Variants in ULK4 observed in about 807,000 individuals in gnomAD.
ULK4 encodes unc-51 like kinase 4, also known as inactive serine/threonine-protein kinase ULK4.
In ULK4, 133 loss-of-function variants were observed where a neutral mutation model predicts 160.6. The ratio of observed to expected loss-of-function variants is 0.83; its 90% CI spans 0.72 to 0.96. The LOEUF is 0.96. Ranked by LOEUF, ULK4 falls within the 40% of genes least tolerant of loss-of-function variation. ULK4 has a pLI of 0.00. For missense variants in ULK4, 1,580 were observed against 1,499.5 expected, an observed-to-expected ratio of 1.05 and a Z score of -0.89; for synonymous variants, 534 against 539.8, an observed-to-expected ratio of 0.99 and a Z score of 0.15.
chr3:41,891,830 G>A (rs113186991), intron 16 of ULK4, among the ~76,000 whole-genome samples: 370 of 152,218 alleles, frequency 2.4e-3, no homozygotes, highest in Non-Finnish European at 4.5e-3. Flanking sequence ...ACTTGAACCC[G>A]GGAGGCAGAG....
chr3:41,289,154 GGTTT>G (rs1380282559), intron 35 of ULK4, among the ~76,000 whole-genome samples: 1 of 152,118 alleles, frequency 6.6e-6, no homozygotes. Flanking sequence ...TATTTGAATT[GGTTT>G]GTTTTGTTTG....
intron 22 of ULK4, among the ~76,000 whole-genome samples, chr3:41,751,125 C>A (rs1646969008): frequency 6.6e-6 from 1 of 151,140 alleles, no homozygotes; most frequent in Non-Finnish European, 1.5e-5. Context: ...CAAATCTCTG[C>A]CTATTGACTT....
At chr3:41,569,032 A>T (rs1307817176) in intron 31 of ULK4, among the ~76,000 whole-genome samples, 2 of 152,222 alleles carry the variant, frequency 1.3e-5, no homozygotes, top group Non-Finnish European at 2.9e-5. Context: ...ATTACAAAAG[A>T]CATGGATGGA....
chr3:41,950,530 A>G (rs1234026012), intron 2 of ULK4, among the ~76,000 whole-genome samples: 1 of 151,942 alleles, frequency 6.6e-6, no homozygotes, highest in Non-Finnish European at 1.5e-5. Context: ...GACATGAGCC[A>G]CCGCGCCTGG....
chr3:41,683,940 A>G (rs1292005937), intron 27 of ULK4, among the ~76,000 whole-genome samples: 1 of 152,174 alleles, frequency 6.6e-6, no homozygotes, highest in East Asian at 1.9e-4. Flanking sequence ...ATCTTTGTGA[A>G]GAGAGGACTG....
At chr3:41,838,757 G>T (rs779775825) in intron 17 of ULK4, among the ~76,000 whole-genome samples, 1 of 152,098 alleles carries the variant, frequency 6.6e-6, no homozygotes, top group African/African-American at 2.4e-5. Flanking sequence ...AAAACTGATC[G>T]AACTTGGACG....
intron 35 of ULK4, among the ~76,000 whole-genome samples, chr3:41,388,508 G>A (rs972563576): frequency 1.7e-4 from 26 of 152,036 alleles, no homozygotes; most frequent in Non-Finnish European, 3.2e-4. Flanking sequence ...ATGGTTTTAG[G>A]TCTAACGTGT....
chr3:41,646,352 A>AGT (rs1291237500), intron 30 of ULK4, among the ~76,000 whole-genome samples: 6 of 152,152 alleles, frequency 3.9e-5, no homozygotes, highest in African/African-American at 1.4e-4. Context: ...TTCCATGTTT[A>AGT]GTGCTTCCTT....
chr3:41,808,309 G>A (rs1298064664), intron 19 of ULK4, among the ~76,000 whole-genome samples: 1 of 152,124 alleles, frequency 6.6e-6, no homozygotes, highest in Non-Finnish European at 1.5e-5. Context: ...CAACACAATT[G>A]TCAGTCAGTT....
chr3:41,328,480 G>A (rs1005202333), intron 35 of ULK4, among the ~76,000 whole-genome samples: 1 of 152,236 alleles, frequency 6.6e-6, no homozygotes, highest in Admixed American at 6.5e-5. Flanking sequence ...CAGTTCAGAG[G>A]AGAAATGAGA....
chr3:41,755,967 G>A (rs544841012), intron 21 of ULK4, among the ~76,000 whole-genome samples: 6 of 152,088 alleles, frequency 3.9e-5, no homozygotes, highest in South Asian at 2.1e-4. Flanking sequence ...ACAGATACAC[G>A]CACACACACA....
At chr3:41,718,809 A>T (rs1236724579) in intron 22 of ULK4, among the ~76,000 whole-genome samples, 2 of 152,304 alleles carry the variant, frequency 1.3e-5, no homozygotes, top group Admixed American at 1.3e-4. Flanking sequence ...TGAAATCTTG[A>T]TACTTAGCAT....
intron 27 of ULK4, among the ~76,000 whole-genome samples, chr3:41,695,748 T>C (rs928918671): frequency 6.6e-6 from 1 of 152,060 alleles, no homozygotes. Flanking sequence ...ATAAAATATA[T>C]AAAACAACAA....
At chr3:41,822,577 C>G (rs1379392025) in intron 18 of ULK4, among the ~76,000 whole-genome samples, 1 of 151,900 alleles carries the variant, frequency 6.6e-6, no homozygotes, top group Non-Finnish European at 1.5e-5. Flanking sequence ...GCCACCACAC[C>G]CGGCTAATTT....
At chr3:41,902,588 G>GAAAAAAAAAAAAAAAAAAAAAAA (rs537842940) in intron 12 of ULK4, among the ~76,000 whole-genome samples, 1 of 94,762 alleles carries the variant, frequency 1.1e-5, no homozygotes. Flanking sequence ...AAAAAAAAAA[G>GAAAAAAAAAAAAAAAAAAAAAAA]AAAAAAAAAA....
intron 30 of ULK4, among the ~76,000 whole-genome samples, chr3:41,647,021 C>T (rs1311820249): frequency 2.0e-5 from 3 of 152,296 alleles, no homozygotes; most frequent in Non-Finnish European, 4.4e-5. Flanking sequence ...ATGTAGTTCT[C>T]GAGCCTTGGC....
At chr3:41,734,794 GA>G (rs1183350189) in intron 22 of ULK4, among the ~76,000 whole-genome samples, 1 of 152,096 alleles carries the variant, frequency 6.6e-6, no homozygotes, top group Non-Finnish European at 1.5e-5. Context: ...CTAAAAACAG[GA>G]AATTGTACCA....
intron 35 of ULK4, among the ~76,000 whole-genome samples, chr3:41,276,386 T>C (rs1440246117): frequency 6.6e-6 from 1 of 152,220 alleles, no homozygotes. Context: ...ATTTGTCCCA[T>C]GACTCAAAGT....
chr3:41,478,399 C>T (rs919885512), intron 32 of ULK4, among the ~76,000 whole-genome samples: 4 of 152,220 alleles, frequency 2.6e-5, no homozygotes, highest in African/African-American at 9.6e-5. Flanking sequence ...GAATTACTTT[C>T]CTAAGAAAAT....
Sources: gnomAD v4.1 joint callset for allele counts (sites outside exome capture counted in the v4.1 genomes callset) on GRCh38, gnomAD v4.1.1 for gene constraint, MANE v1.5 for transcripts, NCBI Gene and HGNC (gene_info 2026-07-23, HGNC 2026-07-21) for gene names.